The following FRAS1 variants were observed in gnomAD, a reference collection of about 807,000 sequenced individuals.
The protein encoded by FRAS1 is Fraser extracellular matrix complex subunit 1.
In FRAS1, 290 loss-of-function variants were observed where a neutral mutation model predicts 435.2. The ratio of observed to expected loss-of-function variants is 0.67; its 90% CI spans 0.61 to 0.73. The LOEUF is 0.73. Ranked by LOEUF, FRAS1 falls within the 30% of genes least tolerant of loss-of-function variation. The pLI is 0.00. For synonymous variants in FRAS1, 1,800 were observed against 1,851.0 expected, an observed-to-expected ratio of 0.97 and a Z score of 0.71; for missense variants, 4,860 against 5,001.5, an observed-to-expected ratio of 0.97 and a Z score of 0.85.
chr4:78,085,617 A>T (rs1741107602), intron 2 of FRAS1, among the ~76,000 whole-genome samples: 1 of 152,156 alleles, frequency 6.6e-6, no homozygotes, highest in Non-Finnish European at 1.5e-5. Flanking sequence ...GCCTGGAATG[A>T]GTCAGCCAAG....
intron 1 of FRAS1, among the ~76,000 whole-genome samples, chr4:78,063,109 T>C (rs1739830872): frequency 1.3e-5 from 2 of 152,154 alleles, no homozygotes; most frequent in Admixed American, 1.3e-4. Flanking sequence ...GCAATCATTC[T>C]TGTACTCCTG....
At chr4:78,513,588 C>CT (rs1412247270) in intron 65 of FRAS1, 36 bp downstream of exon 65, 1 of 1,583,318 alleles carries the variant, frequency 6.3e-7, no homozygotes. Flanking sequence ...TCTTTCCATG[C>CT]TAGCCCAGTG....
At chr4:78,237,399 C>A in intron 2 of FRAS1, 111 bp from the exon 3 acceptor site, 1 of 715,010 alleles carries the variant, frequency 1.4e-6, no homozygotes, top group East Asian at 2.6e-5. Flanking sequence ...GTGCCTGTGA[C>A]TTTTCTTTGT....
chr4:78,540,992 C>A lies in FRAS1; in HGVS notation c.11907C>A (p.His3969Gln). The A allele has an allele frequency of 1.9e-6, 3 of 1,605,724 alleles. No individual in the cohort carries two copies. The highest frequency in any genetic ancestry group is 2.6e-6 in the Non-Finnish European group (3 of 1,174,838). Reference sequence around the variant, plus strand: ...GGGTGGAGAAGAACGTGAATAGACACTACTGCACTGTGCGGAACGTCAACA... The same window carrying A: ...GGGTGGAGAAGAACGTGAATAGACAATACTGCACTGTGCGGAACGTCAACA... ...PDRVEKNVNR[H>Q]YCTVRNVNIL... The change falls in exon 74 of 74, where the codon CAC (histidine) becomes CAA (glutamine). Residue 3969 changes from histidine to glutamine, a missense_variant. Coordinates refer to ENST00000512123, the MANE Select transcript of FRAS1 (RefSeq NM_025074.7).
chr4:78,104,970 C>A (rs1004309225), intron 2 of FRAS1, among the ~76,000 whole-genome samples: 2 of 152,122 alleles, frequency 1.3e-5, no homozygotes, highest in African/African-American at 4.8e-5. Flanking sequence ...AACTTGCTTC[C>A]TCCATTGATG....
At chr4:78,526,957 T>C (rs949302376) in intron 70 of FRAS1, among the ~76,000 whole-genome samples, 2 of 152,192 alleles carry the variant, frequency 1.3e-5, no homozygotes, top group South Asian at 2.1e-4. Context: ...GATTTCTCCA[T>C]TTAGAATGGC....
At chr4:78,456,166 C>T (rs1719195302) in intron 47 of FRAS1, among the ~76,000 whole-genome samples, 1 of 15,226 alleles carries the variant, frequency 6.6e-5, no homozygotes, top group Non-Finnish European at 1.4e-4. Context: ...TTTTTTGAGA[C>T]GGAGTCTCAC....
intron 1 of FRAS1, among the ~76,000 whole-genome samples, chr4:78,058,465 A>T (rs1305365850): frequency 6.6e-6 from 1 of 152,096 alleles, no homozygotes; most frequent in African/African-American, 2.4e-5. Context: ...TTACCTGTTT[A>T]AAAATACTTC....
At chr4:78,404,349 T>C (rs1264688187) in intron 30 of FRAS1, among the ~76,000 whole-genome samples, 1 of 151,798 alleles carries the variant, frequency 6.6e-6, no homozygotes, top group East Asian at 1.9e-4. Flanking sequence ...TGGGTTTTCA[T>C]GTTTAAAATA....
chr4:78,162,684 A>T (rs913002727), intron 2 of FRAS1, among the ~76,000 whole-genome samples: 3 of 152,178 alleles, frequency 2.0e-5, no homozygotes, highest in Non-Finnish European at 2.9e-5. Context: ...ACTGCCTGTT[A>T]GGTGAATGTT....
chr4:78,230,621 TTTATA>T (rs1724478194), intron 2 of FRAS1, among the ~76,000 whole-genome samples: 3 of 152,198 alleles, frequency 2.0e-5, no homozygotes, highest in Admixed American at 1.3e-4. Flanking sequence ...AGAATCCTTT[TTTATA>T]GATTATCTTT....
At chr4:78,265,877 C>T (rs1303177024) in intron 7 of FRAS1, among the ~76,000 whole-genome samples, 1 of 152,194 alleles carries the variant, frequency 6.6e-6, no homozygotes, top group Non-Finnish European at 1.5e-5. Context: ...ATAGGTGCCT[C>T]ACAAATTCTA....
At chr4:78,131,736 C>G (rs896981201) in intron 2 of FRAS1, among the ~76,000 whole-genome samples, 1 of 152,140 alleles carries the variant, frequency 6.6e-6, no homozygotes, top group South Asian at 2.1e-4. Flanking sequence ...AGCATCGTGC[C>G]AGGTAGCCCA....
At chr4:78,153,015 T>C (rs1350843256) in intron 2 of FRAS1, among the ~76,000 whole-genome samples, 1 of 152,156 alleles carries the variant, frequency 6.6e-6, no homozygotes, top group African/African-American at 2.4e-5. Flanking sequence ...ATTGTTTGCC[T>C]GGATTGTTGC....
At chr4:78,058,127 C>A (rs1248475672) in intron 1 of FRAS1, 42 bp downstream of exon 1, 1 of 1,473,842 alleles carries the variant, frequency 6.8e-7, no homozygotes, top group South Asian at 1.2e-5. Context: ...TGTGCGTGTG[C>A]GTGTGTGTGT....
Position 78,333,381 on chromosome 4 carries a change from T to C in FRAS1, c.2247T>C (p.Asp749=). The change falls in exon 19 of 74, where the codon GAT becomes GAC. Residue 749 remains aspartate, a synonymous_variant. Coordinates refer to ENST00000512123, the MANE Select transcript of FRAS1 (RefSeq NM_025074.7). ...GGCAGTGCCTCTCCCAGTGCCCAGA[T>C]GGCTACTTTCACCAGGAAGGTAGTT... ...LDGQCLSQCP[D]GYFHQEGSCT... is the part of the protein sequence containing the mutation. 1 of 1,612,104 alleles carries C rather than the reference T, an allele frequency of 6.2e-7. No individual in the cohort carries two copies. The highest frequency in any genetic ancestry group is 8.5e-7 in the Non-Finnish European group (1 of 1,179,134).
intron 2 of FRAS1, among the ~76,000 whole-genome samples, chr4:78,077,672 T>A (rs550017209): frequency 1.8e-3 from 269 of 152,240 alleles, no homozygotes; most frequent in African/African-American, 5.9e-3. Flanking sequence ...TAGCTCCCAC[T>A]TATAAATGAG....
chr4:78,146,548 T>G (rs1399438063), intron 2 of FRAS1, among the ~76,000 whole-genome samples: 1 of 152,144 alleles, frequency 6.6e-6, no homozygotes, highest in East Asian at 1.9e-4. Context: ...TACAGTGAAC[T>G]CCAGTGTGTC....
At chr4:78,292,356 T>C (rs2110195791) in intron 14 of FRAS1, among the ~76,000 whole-genome samples, 2 of 152,312 alleles carry the variant, frequency 1.3e-5, no homozygotes, top group South Asian at 4.1e-4. Flanking sequence ...ATTATTTGTT[T>C]CTTAGCCAAT....
Sources: allele counts gnomAD v4.1 joint callset (sites outside exome capture counted in the v4.1 genomes callset), GRCh38; gene constraint gnomAD v4.1.1; transcripts MANE v1.5; gene names NCBI Gene and HGNC (gene_info 2026-07-23, HGNC 2026-07-21).